ATAD5: variants seen among roughly 807,000 people sequenced by gnomAD.
ATAD5 encodes ATPase family AAA domain containing 5, also known as ATPase family AAA domain-containing protein 5.
ATAD5 carries 58 observed loss-of-function variants against 176.9 expected under a neutral mutation model. The ratio of observed to expected loss-of-function variants is 0.33; its 90% CI spans 0.27 to 0.41. The LOEUF (loss-of-function observed/expected upper bound fraction) is 0.41. Among genes scored for constraint, ATAD5 ranks in the 10% least tolerant of loss-of-function variants. The probability of loss-of-function intolerance (pLI) is 1.00; values close to 1 mark genes in which losing one functional copy is unlikely to be tolerated. For missense variants in ATAD5, 1,789 were observed against 2,094.1 expected (o/e 0.85, Z 2.84); for synonymous variants, 640 against 712.6 (o/e 0.90, Z 1.62).
intron 6 of ATAD5, among the ~76,000 whole-genome samples, chr17:30,847,612 G>A (rs1431904181): frequency 1.3e-5 from 2 of 151,776 alleles, no homozygotes; most frequent in African/African-American, 2.4e-5. Context: ...TTACAGGCAT[G>A]AGCCACTGTG....
chr17:30,835,369 A>C lies in ATAD5; in HGVS notation c.1288A>C (p.Asn430His). The C allele has an allele frequency of 4.3e-6, 7 of 1,611,542 alleles. No individual in the cohort carries two copies. The highest frequency in any genetic ancestry group is 5.9e-6 in the Non-Finnish European group (7 of 1,179,210). Residue 430 changes from asparagine (N) to histidine (H), a missense_variant, in exon 2 of 23, where the codon AAT becomes CAT. Asn to His is a moderately conservative substitution (Grantham distance 68, BLOSUM62 1). Transcript: ENST00000321990. The stretch of plus-strand genomic sequence containing the variant: ...GTCTTCTGATAAGCAGAAAGACCTT[A>C]ATGAAAAATGTCTATATGAAGTAGG... ...KKSSDKQKDLNEKCLYEVGRD... is the reference protein window; with the variant it reads ...KKSSDKQKDLHEKCLYEVGRD...
chr17:30,882,041 C>T (rs1358382066), intron 18 of ATAD5, among the ~76,000 whole-genome samples: 5 of 152,106 alleles, frequency 3.3e-5, no homozygotes, highest in Admixed American at 1.3e-4. Context: ...GGGCGGATCA[C>T]CTGAGGTCAG....
chr17:30,841,360 C>T (rs994394474), intron 4 of ATAD5, among the ~76,000 whole-genome samples: 2 of 152,120 alleles, frequency 1.3e-5, no homozygotes, highest in African/African-American at 2.4e-5. Context: ...GCAGTTTTCA[C>T]GGTATTTGTT....
In ATAD5 at chr17:30,840,623, A is replaced by T; in HGVS notation, c.2083A>T (p.Asn695Tyr). 6.6e-7 allele frequency: 1 copy of T among 1,515,786 alleles called. No homozygotes were observed. Among genetic ancestry groups the T allele is most frequent in the South Asian group, 1.4e-5 (1 of 73,102 alleles). The allele number at this position is 1,515,786 out of a possible 1,614,324, so 93.9% of individuals were successfully genotyped here. Residue 695 changes from asparagine (N) to tyrosine (Y), a missense_variant, in exon 4 of 23, where the codon AAT (asparagine) becomes TAT (tyrosine). Physicochemically the swap from Asn to Tyr is moderately radical, Grantham distance 143. Coordinates refer to ENST00000321990, the MANE Select transcript of ATAD5 (RefSeq NM_024857.5). Reference sequence around the variant, plus strand: ...GTTTCAATTTTTTGTTTAGGCAAGCAATACTTCAAAAAACATATCAAAAGC... The same window carrying T: ...GTTTCAATTTTTTGTTTAGGCAAGCTATACTTCAAAAAACATATCAAAAGC... ...GFTSQIRKAS[N>Y]TSKNISKAKQ...
At chr17:30,876,043 A>G (rs2142414356) in intron 14 of ATAD5, among the ~76,000 whole-genome samples, 1 of 152,000 alleles carries the variant, frequency 6.6e-6, no homozygotes, top group Non-Finnish European at 1.5e-5. Flanking sequence ...AGGCTGAGGC[A>G]GGAGAATGGC....
In ATAD5 at chr17:30,894,657, C is replaced by T. The variant is rs199708163; in HGVS notation, c.5391C>T (p.Tyr1797=). The part of the protein sequence containing the change: ...VGNRQASIIE[Y]LPTLRNICKT... ...ATAGACAAGCTAGTATAATTGAATA[C>T]CTGCCAACCCTTCGAAACATCTGTA... The change falls in exon 22 of 23, where the codon TAC becomes TAT. Residue 1797 remains tyrosine (Y), a synonymous_variant. Transcript: ENST00000321990. The T allele has an allele frequency of 1.6e-4, 254 of 1,613,382 alleles. 1 individual carries two copies. Among genetic ancestry groups the T allele is most frequent in the Non-Finnish European group, 2.0e-4 (232 of 1,179,748 alleles).
chr17:30,854,346 T>A (rs1040133914), intron 6 of ATAD5, among the ~76,000 whole-genome samples: 1 of 145,788 alleles, frequency 6.9e-6, no homozygotes, highest in East Asian at 2.0e-4. Context: ...ATTTATTTAA[T>A]ACATTTTATT....
At chr17:30,857,364 C>T (rs1423694554) in intron 8 of ATAD5, among the ~76,000 whole-genome samples, 1 of 151,998 alleles carries the variant, frequency 6.6e-6, no homozygotes, top group African/African-American at 2.4e-5. Flanking sequence ...TACAGGCACA[C>T]ACCACCATGC....
chr17:30,869,731 T>C, intron 14 of ATAD5, 85 bp downstream of exon 14: 1 of 1,438,888 alleles, frequency 6.9e-7, no homozygotes, highest in Non-Finnish European at 9.4e-7. Flanking sequence ...CATTTTGCCA[T>C]TTATTTTTTA....
At chr17:30,875,920 G>T (rs377212504) in intron 14 of ATAD5, among the ~76,000 whole-genome samples, 3 of 151,786 alleles carry the variant, frequency 2.0e-5, no homozygotes, top group South Asian at 4.2e-4. Flanking sequence ...GGTAGATCAC[G>T]AGGTCAGGAG....
At chr17:30,865,376 G>C (rs1339089525) in intron 10 of ATAD5, among the ~76,000 whole-genome samples, 2 of 152,010 alleles carry the variant, frequency 1.3e-5, no homozygotes, top group African/African-American at 2.4e-5. Context: ...GTTTCACCGT[G>C]TTAGCCAGGA....
chr17:30,867,272 C>A (rs1908055873), intron 11 of ATAD5, among the ~76,000 whole-genome samples: 1 of 152,028 alleles, frequency 6.6e-6, no homozygotes, highest in Non-Finnish European at 1.5e-5. Context: ...TGATGGCGCC[C>A]ACTTGGATTC....
intron 6 of ATAD5, among the ~76,000 whole-genome samples, chr17:30,848,860 G>GTTTTCTTTTTC (rs1374878253): frequency 6.6e-6 from 1 of 151,970 alleles, no homozygotes; most frequent in Admixed American, 6.6e-5. Flanking sequence ...TATATCATTA[G>GTTTTCTTTTTC]TTTTCTTTTT....
rs148806661 is a variant in ATAD5 at position 30,855,235 on chromosome 17, G to C, written c.2543G>C (p.Arg848Pro). ...AGTGGTTTGCCAGATTTGTTGAAACGGCAAATTGCAAAGAAAGCTGCTGCG... is the reference window on the plus strand; with the variant it reads ...AGTGGTTTGCCAGATTTGTTGAAACCGCAAATTGCAAAGAAAGCTGCTGCG... ...LMSGLPDLLKRQIAKKAAALD... is the reference protein window; with the variant it reads ...LMSGLPDLLKPQIAKKAAALD... The change falls in exon 7 of 23, where the codon CGG becomes CCG. Residue 848 changes from arginine (R) to proline (P), a missense_variant. Arg to Pro is a moderately radical substitution (Grantham distance 103, BLOSUM62 -2). Around this residue, in one of 6 missense-constraint regions of ATAD5, gnomAD observed 487 missense variants for 573.6 expected, o/e 0.85. Transcript: ENST00000321990. 6.2e-7 allele frequency: 1 copy of C among 1,614,026 alleles called. No individual in the cohort carries two copies. The highest frequency in any genetic ancestry group is 8.5e-7 in the Non-Finnish European group (1 of 1,179,972).
At chr17:30,839,122 C>G (rs1282750662) in intron 3 of ATAD5, among the ~76,000 whole-genome samples, 1 of 152,144 alleles carries the variant, frequency 6.6e-6, no homozygotes, top group East Asian at 1.9e-4. Flanking sequence ...GCATGAGCCA[C>G]TGTGCCTGGC....
chr17:30,873,149 T>A (rs1908438578), intron 14 of ATAD5, among the ~76,000 whole-genome samples: 1 of 152,154 alleles, frequency 6.6e-6, no homozygotes, highest in South Asian at 2.1e-4. Context: ...TTGGTGCTCA[T>A]ATTTTTCCAT....
intron 6 of ATAD5, among the ~76,000 whole-genome samples, chr17:30,853,524 A>C (rs1186075870): frequency 6.6e-6 from 1 of 152,292 alleles, no homozygotes; most frequent in East Asian, 1.9e-4. Context: ...TTTAGTATCT[A>C]TCTGGCTTCA....
Position 30,865,726 on chromosome 17 carries a change from T to C in ATAD5, c.3159T>C (p.Leu1053=). The C allele has an allele frequency of 2.5e-6, 4 of 1,581,610 alleles. No individual in the cohort carries two copies. The highest frequency in any genetic ancestry group is 3.4e-6 in the Non-Finnish European group (4 of 1,168,938). Residue 1053 remains leucine (L), a synonymous_variant, in exon 11 of 23, where the codon CTT becomes CTC. Coordinates refer to ENST00000321990, the MANE Select transcript of ATAD5 (RefSeq NM_024857.5). The part of the protein sequence containing the change: ...SSKDSGTEDM[L]WTEKYQPQTA... ...TAGATTCTGGAACTGAAGACATGCT[T>C]TGGACAGAAAAGTATCAACCTCAGA...
At chr17:30,855,870 A>G (rs954900246) in intron 7 of ATAD5, among the ~76,000 whole-genome samples, 4 of 151,836 alleles carry the variant, frequency 2.6e-5, no homozygotes, top group Admixed American at 6.6e-5. Context: ...AAAAAAGAAA[A>G]AAAAAAAAAA....
Sources: gnomAD v4.1 joint callset for allele counts (sites outside exome capture counted in the v4.1 genomes callset) on GRCh38, gnomAD v4.1.1 for gene constraint, gnomAD v4.1.1 regional missense constraint, MANE v1.5 for transcripts, NCBI Gene and HGNC (gene_info 2026-07-23, HGNC 2026-07-21) for gene names.